Variants in TULP4 observed in about 807,000 individuals in gnomAD.
TULP4 encodes tubby-related protein 4.
In TULP4, 16 loss-of-function variants were observed where a neutral mutation model predicts 129.0. The observed-to-expected ratio is 0.12, with a 90% CI of 0.08 to 0.19. The LOEUF (loss-of-function observed/expected upper bound fraction) is 0.19. TULP4 is among the 10% of genes least tolerant of loss of function. The pLI is 1.00. For synonymous variants in TULP4, 998 were observed against 854.0 expected (o/e 1.17, Z -2.94); for missense variants, 1,842 against 2,059.1 (o/e 0.89, Z 2.04).
chr6:158,407,698 C>A (rs705948), intron 1 of TULP4, among the ~76,000 whole-genome samples: 104,915 of 152,080 alleles, frequency 0.69, 36,748 homozygotes, highest in Middle Eastern at 0.76. Flanking sequence ...TGGATAAACC[C>A]TGAAAACATG....
chr6:158,337,868 A>G lies in TULP4; in HGVS notation c.252+23600A>G, dbSNP rs74989601. ...AAAAGTAGGAAACAGAAGAAACCAG[A>G]GGAATATCGAATCTTGGAAAGGCCT... On this transcript the variant is annotated intron_variant, in intron 1 of 13. Coordinates refer to ENST00000367097, the MANE Select transcript of TULP4 (RefSeq NM_020245.5). Among the ~76,000 whole-genome samples the G allele has an allele frequency of 5.4e-3, 819 of 152,264 alleles. 13 individuals are homozygous for G. The highest frequency in any genetic ancestry group is 0.019 in the African/African-American group (778 of 41,534).
At chr6:158,278,503 GA>G (rs1360729158), upstream of TULP4, among the ~76,000 whole-genome samples, 8 of 151,428 alleles carry the variant, frequency 5.3e-5, no homozygotes, top group East Asian at 1.2e-3. Context: ...TAAATTGATC[GA>G]AAAGCTTAAT....
intron 9 of TULP4, 48 bp downstream of exon 9, chr6:158,489,780 T>C (rs747644582): frequency 6.2e-7 from 1 of 1,607,846 alleles, no homozygotes; most frequent in East Asian, 2.2e-5. Context: ...CCTCTGAATA[T>C]GTGTGTTTGT....
intron 1 of TULP4, among the ~76,000 whole-genome samples, chr6:158,254,005 C>T (rs926709180): frequency 5.9e-5 from 9 of 151,862 alleles, no homozygotes; most frequent in African/African-American, 1.9e-4. Flanking sequence ...CCCCACTGTA[C>T]TCCAGCCTGG....
intron 6 of TULP4, among the ~76,000 whole-genome samples, chr6:158,468,099 C>G (rs1414780054): frequency 6.6e-6 from 1 of 152,154 alleles, no homozygotes; most frequent in Non-Finnish European, 1.5e-5. Context: ...CCTGCTGAGT[C>G]GTGTAAACAG....
At chr6:158,246,088 A>G (rs906147465) in intron 1 of TULP4, among the ~76,000 whole-genome samples, 2 of 151,472 alleles carry the variant, frequency 1.3e-5, no homozygotes, top group Non-Finnish European at 2.9e-5. Context: ...AGATTTCTAT[A>G]AAGACCATAT....
rs563930329 is a variant in TULP4, at chr6:158,503,682, G to T, written c.4019G>T (p.Arg1340Leu). Residue 1340 changes from arginine (R) to leucine (L), a missense_variant, in exon 13 of 14, where the codon CGC becomes CTC. This residue lies in a region of TULP4 where 1,089 missense variants were observed against 987.1 expected (regional missense o/e 1.10). Coordinates refer to ENST00000367097, the MANE Select transcript of TULP4 (RefSeq NM_020245.5). The surrounding 1 kb of genome is among the most constrained non-coding windows in gnomAD (Gnocchi z 4.3). ...TEKFGKKNRK[R>L]LDSRAEEGSV... The stretch of plus-strand genomic sequence containing the variant: ...AAATTTGGAAAGAAGAACCGGAAGC[G>T]CCTGGACAGCCGAGCAGAAGAAGGC... The T allele has an allele frequency of 1.2e-6, 2 of 1,613,956 alleles. No individual in the cohort carries two copies. The highest frequency in any genetic ancestry group is 1.1e-5 in the South Asian group (1 of 91,084).
intron 1 of TULP4, among the ~76,000 whole-genome samples, chr6:158,251,988 G>A (rs535096855): frequency 1.1e-4 from 17 of 152,332 alleles, no homozygotes; most frequent in African/African-American, 3.8e-4. Context: ...GAACTCTCAG[G>A]CTGCAGAGAA....
chr6:158,235,503 G>C (rs1777674115), intron 1 of TULP4, among the ~76,000 whole-genome samples: 1 of 152,116 alleles, frequency 6.6e-6, no homozygotes, highest in African/African-American at 2.4e-5. Flanking sequence ...GTCAGCATTT[G>C]CATCCTTTTG....
chr6:158,437,738 A>G (rs1458639914), intron 3 of TULP4: 2 of 152,170 alleles, frequency 1.3e-5, no homozygotes, highest in African/African-American at 2.4e-5. Context: ...CTGAAGTACA[A>G]TTTAGAACTC....
intron 1 of TULP4, among the ~76,000 whole-genome samples, chr6:158,365,631 C>T (rs1780923140): frequency 6.6e-6 from 1 of 151,544 alleles, no homozygotes. Context: ...TGCCCGCCAC[C>T]ATGCCCAGCT....
At chr6:158,441,599 T>A (rs111951061) in intron 3 of TULP4, among the ~76,000 whole-genome samples, 3 of 152,170 alleles carry the variant, frequency 2.0e-5, no homozygotes, top group Non-Finnish European at 4.4e-5. Flanking sequence ...TATGTCCTTA[T>A]ATGTGTTAGG....
At position 158,449,091 on chromosome 6, in the gene TULP4, C is replaced by T. The variant is rs142787850; in HGVS notation, c.639C>T (p.Leu213=). Residue 213 remains leucine, a synonymous_variant, in exon 4 of 14, where the codon CTC becomes CTT. Transcript: ENST00000367097. ...HVLLHESDGV[L]GMSWNYPIFL... is the part of the protein sequence containing the mutation. ...TCTTGCACGAGTCAGACGGTGTCCT[C>T]GGCATGTCCTGGAACTACCCGATCT... The T allele has an allele frequency of 1.7e-4, 275 of 1,614,092 alleles. 1 individual carries two copies. The African/African-American group carries it at 3.1e-3, about 18-fold the overall frequency.
At chr6:158,497,857 G>T (rs187982926) in intron 11 of TULP4, among the ~76,000 whole-genome samples, 1 of 152,222 alleles carries the variant, frequency 6.6e-6, no homozygotes, top group African/African-American at 2.4e-5. Context: ...TAAGGTGACC[G>T]CCATGGAGCT....
intron 8 of TULP4, among the ~76,000 whole-genome samples, chr6:158,483,468 G>T (rs1779994415): frequency 6.6e-6 from 1 of 151,928 alleles, no homozygotes. Context: ...GGGCAGCTGG[G>T]GCTACAGGTG....
upstream of TULP4, among the ~76,000 whole-genome samples, chr6:158,281,097 C>T (rs914751435): frequency 3.3e-5 from 5 of 151,860 alleles, no homozygotes; most frequent in Non-Finnish European, 7.4e-5. Flanking sequence ...TGGGTGTTAT[C>T]GGAGGGATAT....
chr6:158,242,045 C>G (rs1458164614), intron 1 of TULP4: 2 of 794,666 alleles, frequency 2.5e-6, no homozygotes, highest in Admixed American at 1.7e-5. Flanking sequence ...TCTAGTAACC[C>G]TACATCCGTT....
chr6:158,276,810 A>G (rs1362865501), intron 1 of TULP4, among the ~76,000 whole-genome samples: 1 of 152,192 alleles, frequency 6.6e-6, no homozygotes, highest in African/African-American at 2.4e-5. Context: ...ATAAATATAT[A>G]GTATATTTGC....
At chr6:158,438,763 T>C (rs542084002) in intron 3 of TULP4, among the ~76,000 whole-genome samples, 2 of 152,214 alleles carry the variant, frequency 1.3e-5, no homozygotes, top group South Asian at 2.1e-4. Flanking sequence ...TTTTGTATTT[T>C]TAGTAGAGAC....
Sources: gnomAD v4.1 joint callset for allele counts (sites outside exome capture counted in the v4.1 genomes callset) on GRCh38, gnomAD v4.1.1 for gene constraint, gnomAD v4.1.1 regional missense constraint, Gnocchi (gnomAD v3.1) non-coding constraint, MANE v1.5 for transcripts, NCBI Gene and HGNC (gene_info 2026-07-23, HGNC 2026-07-21) for gene names.